CD180: variants seen among roughly 807,000 people sequenced by gnomAD.
CD180 encodes CD180 molecule.
CD180 carries 11 observed loss-of-function variants against 10.7 expected under a neutral mutation model. That is an observed-to-expected ratio of 1.03 (90% confidence interval 0.65 to 1.70). The LOEUF (loss-of-function observed/expected upper bound fraction) is 1.70. Ranked by LOEUF, CD180 falls within the 40% of genes most tolerant of loss-of-function variation. CD180 has a pLI of 0.00. For missense variants in CD180, 729 were observed against 775.2 expected, an observed-to-expected ratio of 0.94 and a Z score of 0.71; for synonymous variants, 286 against 294.6, an observed-to-expected ratio of 0.97 and a Z score of 0.30.
chr5:67,184,320 G>A lies in CD180; in HGVS notation c.523C>T (p.Leu175=). The change falls in exon 3 of 3, where the codon CTG becomes TTG. Residue 175 remains leucine (L), a synonymous_variant. Coordinates refer to ENST00000256447, the MANE Select transcript of CD180 (RefSeq NM_005582.3). ...TTATTCTGAAAATCCAGTACTTTCA[G>A]ATTCCGTGCTGGGAAGTCTTTGGGG... ...KFPKDFPARN[L]KVLDFQNNAI... The A allele has an allele frequency of 6.2e-7, 1 of 1,614,176 alleles. No homozygotes were observed. The highest frequency in any genetic ancestry group is 1.1e-5 in the South Asian group (1 of 91,086).
At position 67,182,754 on chromosome 5, in the gene CD180, A is replaced by G. The variant is rs1742074165; in HGVS notation, c.*103T>C. 2 of 908,166 alleles carry G rather than the reference A, an allele frequency of 2.2e-6. No homozygotes were observed. The highest frequency in any genetic ancestry group is 3.3e-6 in the Non-Finnish European group (2 of 606,816). The allele number at this position is 908,166 out of a possible 1,614,324, so 56.3% of individuals were successfully genotyped here. On this transcript the variant is annotated 3_prime_UTR_variant, in exon 3 of 3. Transcript: ENST00000256447. ...AGTGAGTCCCTGCCCAGTTCCAGGA[A>G]GCAATCTGAAAAGTCTGGTCTGGTC...
At chr5:67,190,884 A>G in intron 1 of CD180, 1 of 973,266 alleles carries the variant, frequency 1.0e-6, no homozygotes. Flanking sequence ...GCAAGTGTTG[A>G]AACATTTTCT....
chr5:67,190,350 A>G (rs1010583165), intron 1 of CD180, among the ~76,000 whole-genome samples: 3 of 152,198 alleles, frequency 2.0e-5, no homozygotes, highest in Non-Finnish European at 4.4e-5. Context: ...GCAGAGAAGG[A>G]ACACTGGGCC....
intron 1 of CD180, among the ~76,000 whole-genome samples, chr5:67,190,754 C>T (rs2151168165): frequency 6.6e-6 from 1 of 152,362 alleles, no homozygotes; most frequent in East Asian, 1.9e-4. Context: ...AGAGCTACAT[C>T]TGTATTTGCA....
In CD180 at chr5:67,196,715, G is replaced by A; in HGVS notation, c.-74C>T. The A allele has an allele frequency of 6.3e-7, 1 of 1,596,444 alleles. No homozygotes were observed. Among genetic ancestry groups the A allele is most frequent in the Non-Finnish European group, 8.5e-7 (1 of 1,169,628 alleles). On this transcript the variant is annotated 5_prime_UTR_variant, in exon 1 of 3. Transcript: ENST00000256447. ...AATGGAATCAAACTGTGAAGGCCCT[G>A]GCAATTTGGCAGCCAGAGAGGTACT... is the stretch of plus-strand genomic sequence containing the variant.
chr5:67,190,370 A>G (rs1009157097), intron 1 of CD180, among the ~76,000 whole-genome samples: 1 of 152,262 alleles, frequency 6.6e-6, no homozygotes, highest in African/African-American at 2.4e-5. Flanking sequence ...CCCAGCAGAC[A>G]GCATGGCCAC....
intron 2 of CD180, among the ~76,000 whole-genome samples, chr5:67,185,243 C>T (rs982785513): frequency 2.0e-5 from 3 of 148,264 alleles, no homozygotes; most frequent in Non-Finnish European, 4.4e-5. Flanking sequence ...GTAGAACTGC[C>T]GCAAAGGGTG....
chr5:67,181,024 C>T lies in CD180; in HGVS notation c.*1833G>A, dbSNP rs193007387. 3 of 149,018 alleles carry T rather than the reference C, an allele frequency of 2.0e-5. No homozygotes were observed. The highest frequency in any genetic ancestry group is 3.0e-5 in the Non-Finnish European group (2 of 67,672). The allele number at this position is 149,018 out of a possible 1,614,324, so 9.2% of individuals were successfully genotyped here. ...AAAAAAAAAATTATATATATATATA[C>T]ACACACACATACACACACATACACA... On this transcript the variant is annotated 3_prime_UTR_variant, in exon 3 of 3. Coordinates refer to ENST00000256447, the MANE Select transcript of CD180 (RefSeq NM_005582.3).
rs1286367478 is a variant in CD180, at chr5:67,196,650, A to G, written c.-9T>C. 6.2e-7 allele frequency: 1 copy of G among 1,613,824 alleles called. No homozygotes were observed. The highest frequency in any genetic ancestry group is 1.3e-5 in the African/African-American group (1 of 74,894). ...CTGACGTCAAACGCCATCACAGGCT[A>G]GGATTGCTTGGTGGGTTTACCTAAT... On this transcript the variant is annotated 5_prime_UTR_variant, in exon 1 of 3. Transcript: ENST00000256447.
intron 2 of CD180, among the ~76,000 whole-genome samples, chr5:67,184,903 TATATC>T (rs1742153922): frequency 6.6e-6 from 1 of 152,112 alleles, no homozygotes; most frequent in African/African-American, 2.4e-5. Context: ...TAATACAAAA[TATATC>T]ATATAGAATG....
Position 67,181,022 on chromosome 5 carries a change from TACACACAC to T in CD180, c.*1827_*1834del, listed in dbSNP as rs540596566. On this transcript the variant is annotated 3_prime_UTR_variant, in exon 3 of 3. Coordinates refer to ENST00000256447, the MANE Select transcript of CD180 (RefSeq NM_005582.3). ...TCAAAAAAAAAATTATATATATATA[TACACACAC>T]ACATACACACACATACACACACACA... 1 of 149,264 alleles carries T rather than the reference TACACACAC, an allele frequency of 6.7e-6. No homozygotes were observed. Among genetic ancestry groups the T allele is most frequent in the African/African-American group, 2.5e-5 (1 of 40,106 alleles). 9.2% of individuals were successfully genotyped at this position (149,264 alleles called of 1,614,324 possible).
chr5:67,188,264 AG>A (rs1193592257), intron 1 of CD180, among the ~76,000 whole-genome samples: 2 of 152,210 alleles, frequency 1.3e-5, no homozygotes, highest in Non-Finnish European at 2.9e-5. Flanking sequence ...CACAGCAAGA[AG>A]GCCCTCACCA....
rs1396849808 is a variant in CD180 at position 67,183,755 on chromosome 5, A to G, written c.1088T>C (p.Val363Ala). 7 of 1,614,112 alleles carry G rather than the reference A, an allele frequency of 4.3e-6. No homozygotes were observed. The highest frequency in any genetic ancestry group is 5.9e-6 in the Non-Finnish European group (7 of 1,180,050). ...GTTTCCTAGTTTCTCCAAGCAGCCA[A>G]CACCAAGGTGAAGTTTCTTCACGTT... Reference protein sequence around the residue: ...RGNVKKLHLGVGCLEKLGNLQ... With the variant: ...RGNVKKLHLGAGCLEKLGNLQ... Residue 363 changes from valine to alanine, a missense_variant, in exon 3 of 3, where the codon GTT becomes GCT. Coordinates refer to ENST00000256447, the MANE Select transcript of CD180 (RefSeq NM_005582.3).
In CD180 at chr5:67,181,205, A is replaced by C. The variant is rs1742042292; in HGVS notation, c.*1652T>G. The C allele has an allele frequency of 6.6e-6, 1 of 152,180 alleles. No individual in the cohort carries two copies. The highest frequency in any genetic ancestry group is 1.5e-5 in the Non-Finnish European group (1 of 68,036). The allele number at this position is 152,180 out of a possible 1,614,324, so 9.4% of individuals were successfully genotyped here. A position where few individuals can be genotyped will look rare whatever the true frequency, so the allele number is the denominator to read the frequency against. On this transcript the variant is annotated 3_prime_UTR_variant, in exon 3 of 3. Transcript: ENST00000256447. ...ACAAATGAAGAAGTTAATTCCAAAC[A>C]CTGATAAGCATTATAAAGATAATAA...
Position 67,183,995 on chromosome 5 carries a change from T to A in CD180, c.848A>T (p.Glu283Val), listed in dbSNP as rs768883962. 6.2e-7 allele frequency: 1 copy of A among 1,613,152 alleles called. No individual in the cohort carries two copies. The highest frequency in any genetic ancestry group is 1.3e-5 in the African/African-American group (1 of 74,908). The stretch of plus-strand genomic sequence containing the variant: ...GGATGAGATGTCAGAGAAGCGGTGT[T>A]CCTGCAGGTTGAGGCTCTCAACAGA... ...EMSVESLNLQ[E>V]HRFSDISSTT... The change falls in exon 3 of 3, where the codon GAA (glutamate) becomes GTA (valine). Residue 283 changes from glutamate to valine, a missense_variant. By Grantham distance (121) the Glu-to-Val change is moderately radical. Coordinates refer to ENST00000256447, the MANE Select transcript of CD180 (RefSeq NM_005582.3).
chr5:67,184,693 TATA>T, intron 2 of CD180, 108 bp from the exon 3 acceptor site: 1 of 930,674 alleles, frequency 1.1e-6, no homozygotes, highest in South Asian at 1.8e-5. Context: ...CAAAATCAAA[TATA>T]AGAACTTTCT....
In CD180 at chr5:67,183,954, AG is replaced by A. The variant is rs752032600; in HGVS notation, c.888del (p.Phe297SerfsTer9). 5 of 1,614,074 alleles carry A rather than the reference AG, an allele frequency of 3.1e-6. No individual in the cohort carries two copies. The East Asian group carries it at 1.1e-4, about 36-fold the overall frequency. On this transcript the variant is annotated frameshift_variant, in exon 3 of 3. Coordinates refer to ENST00000256447, the MANE Select transcript of CD180 (RefSeq NM_005582.3). LOFTEE classifies it low-confidence loss of function (END_TRUNC). ...AGATCCAATTCTTGGAGTTGGGTGA[AG>A]CACTGAAATGTGGTGGATGAGATGT... ...FSDISSTTFQ[C>X]FTQLQELDLT...
rs368264252 is a variant in CD180 at position 67,182,608 on chromosome 5, C to T, written c.*249G>A. On this transcript the variant is annotated 3_prime_UTR_variant, in exon 3 of 3. Coordinates refer to ENST00000256447, the MANE Select transcript of CD180 (RefSeq NM_005582.3). ...CTGCTTCCTCCCACTCTTCCACATG[C>T]GGAAAGGGCTCTGTGCCTCTCACAG... is the stretch of plus-strand genomic sequence containing the variant. The T allele has an allele frequency of 4.1e-5, 13 of 319,800 alleles. No individual in the cohort carries two copies. The highest frequency in any genetic ancestry group is 6.3e-5 in the Non-Finnish European group (11 of 174,828). The allele number at this position is 319,800 out of a possible 1,614,324, so 19.8% of individuals were successfully genotyped here. A position where few individuals can be genotyped will look rare whatever the true frequency, so the allele number is the denominator to read the frequency against.
At position 67,183,354 on chromosome 5, in the gene CD180, T is replaced by C; in HGVS notation, c.1489A>G (p.Ser497Gly). 6.2e-7 allele frequency: 1 copy of C among 1,614,228 alleles called. No individual in the cohort carries two copies. The highest frequency in any genetic ancestry group is 8.5e-7 in the Non-Finnish European group (1 of 1,180,050). The change falls in exon 3 of 3, where the codon AGC becomes GGC. Residue 497 changes from serine to glycine, a missense_variant. Coordinates refer to ENST00000256447, the MANE Select transcript of CD180 (RefSeq NM_005582.3). ...GAGGACAAAATCAGAACCTCCAAGC[T>C]GCCCACGGTCTGAAGTAGGTTGGTC... ...TKTNLLQTVG[S>G]LEVLILSSCG...
Sources: gnomAD v4.1 joint callset for allele counts (sites outside exome capture counted in the v4.1 genomes callset) on GRCh38, gnomAD v4.1.1 for gene constraint, MANE v1.5 for transcripts, NCBI Gene and HGNC (gene_info 2026-07-23, HGNC 2026-07-21) for gene names.